Variants in LAMC2 observed in about 807,000 individuals in gnomAD.
LAMC2 encodes laminin subunit gamma-2.
LAMC2 carries 97 observed loss-of-function variants against 140.2 expected under a neutral mutation model. The ratio of observed to expected loss-of-function variants is 0.69; its 90% confidence interval spans 0.59 to 0.82. The LOEUF (loss-of-function observed/expected upper bound fraction) is 0.82. Ranked by LOEUF, LAMC2 falls within the 40% of genes least tolerant of loss-of-function variation. LAMC2 has a pLI of 0.00. For synonymous variants in LAMC2, 513 were observed against 540.2 expected, an observed-to-expected ratio of 0.95 and a Z score of 0.70; for missense variants, 1,402 against 1,476.1, an observed-to-expected ratio of 0.95 and a Z score of 0.82.
intron 1 of LAMC2, among the ~76,000 whole-genome samples, chr1:183,190,646 A>G (rs1303954132): frequency 6.6e-6 from 1 of 152,202 alleles, no homozygotes; most frequent in Admixed American, 6.5e-5. Flanking sequence ...GGACAACTTG[A>G]TTATGAGAAC....
At chr1:183,218,578 G>C (rs1659357617) in intron 4 of LAMC2, 90 bp downstream of exon 4, 14 of 1,016,938 alleles carry the variant, frequency 1.4e-5, no homozygotes, top group Middle Eastern at 2.0e-4. Context: ...TTATGGAAAA[G>C]GGATACTTGA....
In LAMC2 at chr1:183,188,892, C is replaced by T. The variant is rs117862546; in HGVS notation, c.79+2461C>T. ...TAGCCACCAATATGCTTGTGAAGGG[C>T]TTTATGTGCCAGGCTGTTCAGTAGG... On this transcript the variant is annotated intron_variant, in intron 1 of 22. Coordinates refer to ENST00000264144, the MANE Select transcript of LAMC2 (RefSeq NM_005562.3). Among the ~76,000 whole-genome samples, 315 of 152,282 alleles carry T rather than the reference C, an allele frequency of 2.1e-3. 3 individuals carry two copies. Among genetic ancestry groups the T allele is most frequent in the Admixed American group, 0.012 (190 of 15,292 alleles).
chr1:183,200,251 A>C (rs1760632), intron 1 of LAMC2, among the ~76,000 whole-genome samples: 4 of 151,970 alleles, frequency 2.6e-5, no homozygotes, highest in African/African-American at 9.7e-5. Flanking sequence ...TCAGCCGGGC[A>C]TGGTGGTGGG....
chr1:183,253,904 CGTGTGT>C, the LAMC2 span, among the ~76,000 whole-genome samples: 4,635 of 144,310 alleles, frequency 0.032, 132 homozygotes, highest in African/African-American at 0.078. Flanking sequence ...GTTCCACTTC[CGTGTGT>C]GTGTGTGTGT....
chr1:183,193,337 T>C (rs1406528322), intron 1 of LAMC2, among the ~76,000 whole-genome samples: 1 of 152,228 alleles, frequency 6.6e-6, no homozygotes, highest in African/African-American at 2.4e-5. Context: ...GTGATAAGAC[T>C]TTCTCTTTTA....
intron 16 of LAMC2, among the ~76,000 whole-genome samples, chr1:183,236,075 T>A (rs1315449167): frequency 2.0e-5 from 3 of 152,110 alleles, no homozygotes; most frequent in Non-Finnish European, 2.9e-5. Flanking sequence ...AAGTGGGGAA[T>A]TTGGGATTGA....
chr1:183,258,406 G>A, the LAMC2 span, among the ~76,000 whole-genome samples: 1 of 152,206 alleles, frequency 6.6e-6, no homozygotes. Flanking sequence ...GGCAGTGAAA[G>A]AGATCTAACT....
At chr1:183,205,215 T>C (rs372786332) in intron 1 of LAMC2, among the ~76,000 whole-genome samples, 7 of 152,330 alleles carry the variant, frequency 4.6e-5, no homozygotes, top group East Asian at 1.9e-4. Context: ...CATTGGCTCA[T>C]TGGGTTAGCC....
At chr1:183,223,368 A>G (rs375759409) in intron 7 of LAMC2, 44 bp downstream of exon 7, 16 of 1,560,034 alleles carry the variant, frequency 1.0e-5, no homozygotes, top group African/African-American at 1.4e-5. Context: ...GCAAACTATG[A>G]TTGAAGTTCA....
In LAMC2 at chr1:183,208,035, G is replaced by A. The variant is rs1489118066; in HGVS notation, c.234G>A (p.Arg78=). 1.2e-6 allele frequency: 2 copies of A among 1,613,976 alleles called. No homozygotes were observed. Among genetic ancestry groups the A allele is most frequent in the African/African-American group, 2.7e-5 (2 of 74,890 alleles). The change falls in exon 2 of 23, where the codon AGG becomes AGA. Residue 78 remains arginine (R), a synonymous_variant. Coordinates refer to ENST00000264144, the MANE Select transcript of LAMC2 (RefSeq NM_005562.3). ...CKNGFYRHRE[R]DRCLPCNCNS... ...ATGGCTTTTACCGGCACAGAGAAAGGGACCGCTGTTTGCCCTGCAATTGTA... is the reference window on the plus strand; with the variant it reads ...ATGGCTTTTACCGGCACAGAGAAAGAGACCGCTGTTTGCCCTGCAATTGTA...
At chr1:183,246,427 G>A (rs1373716759), downstream of LAMC2, among the ~76,000 whole-genome samples, 1 of 152,208 alleles carries the variant, frequency 6.6e-6, no homozygotes, top group African/African-American at 2.4e-5. Flanking sequence ...TTTTTCGTCA[G>A]TATTAGTAGT....
Position 183,234,460 on chromosome 1 carries a change from G to A in LAMC2, c.2300+14G>A, listed in dbSNP as rs762552760. On this transcript the variant is annotated intron_variant, in intron 15 of 22. Transcript: ENST00000264144. ...ATTAGCAGAAAGGTGAGCAGCATTA[G>A]AGGGCACCTCTGCTTCAAGCCGTCT... 1 of 1,606,408 alleles carries A rather than the reference G, an allele frequency of 6.2e-7. No homozygotes were observed. The highest frequency in any genetic ancestry group is 8.5e-7 in the Non-Finnish European group (1 of 1,172,986).
chr1:183,193,976 AC>A (rs1472387204), intron 1 of LAMC2, among the ~76,000 whole-genome samples: 3 of 152,160 alleles, frequency 2.0e-5, no homozygotes, highest in African/African-American at 7.2e-5. Flanking sequence ...TCCCTCTCTC[AC>A]CCAGGCTGGA....
chr1:183,197,972 G>A (rs1246588666), intron 1 of LAMC2, among the ~76,000 whole-genome samples: 1 of 151,998 alleles, frequency 6.6e-6, no homozygotes, highest in Non-Finnish European at 1.5e-5. Context: ...ACACCTGGCA[G>A]TATGACATCA....
intron 8 of LAMC2, 33 bp downstream of exon 8, chr1:183,225,753 C>G: frequency 3.5e-6 from 5 of 1,428,670 alleles, no homozygotes; most frequent in Non-Finnish European, 4.9e-6. Context: ...TTTCTTTCTT[C>G]TTAGGTGTTA....
At chr1:183,226,967 A>G in intron 9 of LAMC2, 51 bp downstream of exon 9, 1 of 1,418,526 alleles carries the variant, frequency 7.0e-7, no homozygotes, top group Non-Finnish European at 9.9e-7. Context: ...TGTGGAAGAG[A>G]GAGAGCTGTG....
chr1:183,233,013 T>A (rs2102240690), intron 14 of LAMC2, among the ~76,000 whole-genome samples, 156 bp downstream of exon 14: 1 of 152,318 alleles, frequency 6.6e-6, no homozygotes, highest in Non-Finnish European at 1.5e-5. Flanking sequence ...AACAGTCACA[T>A]CTATTTATGT....
chr1:183,253,099 T>G, the LAMC2 span, among the ~76,000 whole-genome samples: 1 of 152,062 alleles, frequency 6.6e-6, no homozygotes, highest in African/African-American at 2.4e-5. Flanking sequence ...AGACACACAG[T>G]GGGCATCTAA....
chr1:183,197,315 G>C (rs190974456), intron 1 of LAMC2, among the ~76,000 whole-genome samples: 3 of 152,302 alleles, frequency 2.0e-5, no homozygotes, highest in African/African-American at 4.8e-5. Flanking sequence ...CGACTTGAAG[G>C]CATGGCAATC....
Sources: allele counts gnomAD v4.1 joint callset (sites outside exome capture counted in the v4.1 genomes callset), GRCh38; gene constraint gnomAD v4.1.1; transcripts MANE v1.5; gene names NCBI Gene and HGNC (gene_info 2026-07-23, HGNC 2026-07-21).